Variants in CCR8 observed in about 807,000 individuals in gnomAD.
CCR8 encodes the protein C-C chemokine receptor type 8.
For synonymous variants in CCR8, 156 were observed against 165.7 expected (o/e 0.94, Z 0.45); for missense variants, 358 against 417.5 (o/e 0.86, Z 1.24).
At position 39,333,178 on chromosome 3, in the gene CCR8, C is replaced by T; in HGVS notation, c.847C>T (p.His283Tyr). 1 of 1,614,082 alleles carries T rather than the reference C, an allele frequency of 6.2e-7. No individual in the cohort carries two copies. ...SISQQLTYAT[H>Y]VTEIISFTHC... ...AAGCCAACAGCTGACTTATGCCACC[C>T]ATGTCACAGAAATCATTTCCTTTAC... The change falls in exon 2 of 2, where the codon CAT becomes TAT. Residue 283 changes from histidine (H) to tyrosine (Y), a missense_variant. Transcript: ENST00000326306.
chr3:39,331,474 T>G (rs2041255183), intron 1 of CCR8, among the ~76,000 whole-genome samples: 2 of 152,086 alleles, frequency 1.3e-5, no homozygotes, highest in South Asian at 4.1e-4. Context: ...TGTTTCTGTT[T>G]TCTTTTTTTT....
Position 39,332,994 on chromosome 3 carries a change from C to A in CCR8, c.663C>A (p.Ile221=). ...FTIFMFCYIK[I]LHQLKRCQNH... ...TCTTTATGTTCTGCTACATTAAAAT[C>A]CTGCACCAGCTGAAGAGGTGTCAAA... Residue 221 remains isoleucine, a synonymous_variant, in exon 2 of 2, where the codon ATC becomes ATA. Transcript: ENST00000326306. 1 of 1,614,138 alleles carries A rather than the reference C, an allele frequency of 6.2e-7. No homozygotes were observed. Among genetic ancestry groups the A allele is most frequent in the South Asian group, 1.1e-5 (1 of 91,082 alleles).
In CCR8 at chr3:39,333,252, C is replaced by A. The variant is rs1239627769; in HGVS notation, c.921C>A (p.Phe307Leu). 6.2e-7 allele frequency: 1 copy of A among 1,613,888 alleles called. No individual in the cohort carries two copies. Among genetic ancestry groups the A allele is most frequent in the Non-Finnish European group, 8.5e-7 (1 of 1,179,996 alleles). Residue 307 changes from phenylalanine to leucine, a missense_variant, in exon 2 of 2, where the codon TTC becomes TTA. By Grantham distance (22) the Phe-to-Leu change is conservative. Transcript: ENST00000326306. The part of the protein sequence containing the change: ...PVIYAFVGEK[F>L]KKHLSEIFQK... The stretch of plus-strand genomic sequence containing the variant: ...TCTATGCTTTTGTTGGGGAGAAGTT[C>A]AAGAAACACCTCTCAGAAATATTTC...
rs146661016 is a variant in CCR8, at chr3:39,333,322, C to T, written c.991C>T (p.Pro331Ser). 7 of 1,613,886 alleles carry T rather than the reference C, an allele frequency of 4.3e-6. No homozygotes were observed. Among genetic ancestry groups the T allele is most frequent in the Non-Finnish European group, 5.9e-6 (7 of 1,179,970 alleles). The change falls in exon 2 of 2, where the codon CCT (proline) becomes TCT (serine). Residue 331 changes from proline to serine, a missense_variant. Coordinates refer to ENST00000326306, the MANE Select transcript of CCR8 (RefSeq NM_005201.4). ...CTTCAACTACCTAGGAAGACAAATG[C>T]CTAGGGAGAGCTGTGAAAAGTCATC... ...QIFNYLGRQM[P>S]RESCEKSSSC... is the part of the protein sequence containing the mutation.
In CCR8 at chr3:39,333,146, G is replaced by A. The variant is rs746898489; in HGVS notation, c.815G>A (p.Cys272Tyr). Reference protein sequence around the residue: ...SLHSMHILDGCSISQQLTYAT... With the variant: ...SLHSMHILDGYSISQQLTYAT... ...CACAGTATGCACATCTTGGATGGAT[G>A]TAGCATAAGCCAACAGCTGACTTAT... Residue 272 changes from cysteine to tyrosine, a missense_variant, in exon 2 of 2, where the codon TGT becomes TAT. Cys to Tyr is a radical substitution (Grantham distance 194). Transcript: ENST00000326306. The A allele has an allele frequency of 6.2e-7, 1 of 1,614,098 alleles. No homozygotes were observed. Among genetic ancestry groups the A allele is most frequent in the Non-Finnish European group, 8.5e-7 (1 of 1,179,986 alleles).
chr3:39,332,205 C>CGTGTTGAAGTG, intron 1 of CCR8, 113 bp from the exon 2 acceptor site: 1 of 662,812 alleles, frequency 1.5e-6, no homozygotes, highest in Non-Finnish European at 2.6e-6. Flanking sequence ...AGGTTGAGCA[C>CGTGTTGAAGTG]TTCAACACAT....
Position 39,333,377 on chromosome 3 carries a change from C to A in CCR8, c.1046C>A (p.Ser349Tyr). 1.9e-6 allele frequency: 3 copies of A among 1,612,632 alleles called. No homozygotes were observed. The highest frequency in any genetic ancestry group is 1.7e-6 in the Non-Finnish European group (2 of 1,179,296). ...SSCQQHSSRS[S>Y]SVDYIL The stretch of plus-strand genomic sequence containing the variant: ...TGCCAGCAGCACTCCTCCCGTTCCT[C>A]CAGCGTAGACTACATTTTGTGAGGA... Residue 349 changes from serine (S) to tyrosine (Y), a missense_variant, in exon 2 of 2, where the codon TCC (serine) becomes TAC (tyrosine). Physicochemically the swap from Ser to Tyr is moderately radical, Grantham distance 144. Coordinates refer to ENST00000326306, the MANE Select transcript of CCR8 (RefSeq NM_005201.4).
rs765631088 is a variant in CCR8 at position 39,332,322 on chromosome 3, C to T, written c.-10C>T. 101 of 1,573,252 alleles carry T rather than the reference C, an allele frequency of 6.4e-5. No individual in the cohort carries two copies. In the Middle Eastern group the frequency reaches 1.2e-3, roughly 18 times the overall value. Reference sequence around the variant, plus strand: ...TTTATGTGTCTCTGTGACCAGGTCCCGCTGCCTTGATGGATTATACACTTG... The same window carrying T: ...TTTATGTGTCTCTGTGACCAGGTCCTGCTGCCTTGATGGATTATACACTTG... On this transcript the variant is annotated 5_prime_UTR_variant, in exon 2 of 2. Coordinates refer to ENST00000326306, the MANE Select transcript of CCR8 (RefSeq NM_005201.4).
Position 39,333,036 on chromosome 3 carries a change from G to A in CCR8, c.705G>A (p.Lys235=), listed in dbSNP as rs771864428. 1 of 1,614,048 alleles carries A rather than the reference G, an allele frequency of 6.2e-7. No homozygotes were observed. Among genetic ancestry groups the A allele is most frequent in the East Asian group, 2.2e-5 (1 of 44,854 alleles). ...GGTGTCAAAACCACAACAAGACCAA[G>A]GCCATCAGGTTGGTGCTCATTGTGG... ...LKRCQNHNKT[K]AIRLVLIVVI... Residue 235 remains lysine (K), a synonymous_variant, in exon 2 of 2, where the codon AAG becomes AAA. Coordinates refer to ENST00000326306, the MANE Select transcript of CCR8 (RefSeq NM_005201.4).
At position 39,331,865 on chromosome 3, in the gene CCR8, G is replaced by T. The variant is rs147432023; in HGVS notation, c.-14-453G>T. ...GACAGAATCTCACTCTGTCGCCCAG[G>T]ATGGAGTGCAGTGGTGTGATCTCGG... On this transcript the variant is annotated intron_variant, in intron 1 of 1. Coordinates refer to ENST00000326306, the MANE Select transcript of CCR8 (RefSeq NM_005201.4). Among the ~76,000 whole-genome samples, 947 of 144,618 alleles carry T rather than the reference G, an allele frequency of 6.5e-3. 12 individuals carry two copies. Among genetic ancestry groups the T allele is most frequent in the African/African-American group, 0.023 (908 of 38,758 alleles). 94.9% of individuals were successfully genotyped at this position (144,618 alleles called of 152,430 possible). A position where few individuals can be genotyped will look rare whatever the true frequency, so the allele number is the denominator to read the frequency against.
At chr3:39,331,445 G>A (rs2041254685) in intron 1 of CCR8, among the ~76,000 whole-genome samples, 1 of 151,984 alleles carries the variant, frequency 6.6e-6, no homozygotes, top group Non-Finnish European at 1.5e-5. Flanking sequence ...TCAGATTAGG[G>A]CCCTGCCTTT....
chr3:39,330,698 C>A (rs2041248914), intron 1 of CCR8, among the ~76,000 whole-genome samples: 1 of 151,524 alleles, frequency 6.6e-6, no homozygotes, highest in Admixed American at 6.6e-5. Context: ...CTTAGGAAAG[C>A]AATTAAAAGA....
At position 39,332,794 on chromosome 3, in the gene CCR8, C is replaced by G. The variant is rs1559379421; in HGVS notation, c.463C>G (p.Leu155Val). 6.2e-7 allele frequency: 1 copy of G among 1,614,174 alleles called. No individual in the cohort carries two copies. Residue 155 changes from leucine (L) to valine (V), a missense_variant, in exon 2 of 2, where the codon CTG becomes GTG. Physicochemically the swap from Leu to Val is conservative, Grantham distance 32. Transcript: ENST00000326306. ...RTIRMGTTLC[L>V]AVWLTAIMAT... The stretch of plus-strand genomic sequence containing the variant: ...GATCAGGATGGGCACAACGCTGTGC[C>G]TGGCAGTATGGCTAACCGCCATTAT...
At chr3:39,332,183 C>T in intron 1 of CCR8, 135 bp from the exon 2 acceptor site, 2 of 617,692 alleles carry the variant, frequency 3.2e-6, no homozygotes, top group Non-Finnish European at 5.7e-6. Context: ...CAAATAGTCA[C>T]ACCCACACCG....
At chr3:39,331,561 G>A (rs1047695351) in intron 1 of CCR8, among the ~76,000 whole-genome samples, 1 of 151,986 alleles carries the variant, frequency 6.6e-6, no homozygotes, top group Non-Finnish European at 1.5e-5. Flanking sequence ...CTGCTTCCTG[G>A]GTTCAAGAAA....
At position 39,332,405 on chromosome 3, in the gene CCR8, G is replaced by A. The variant is rs1454792312; in HGVS notation, c.74G>A (p.Cys25Tyr). 6.2e-7 allele frequency: 1 copy of A among 1,614,126 alleles called. No homozygotes were observed. The part of the protein sequence containing the change: ...YYYPDIFSSP[C>Y]DAELIQTNGK... ...TACCCTGATATCTTCTCAAGCCCCT[G>A]TGATGCGGAACTTATTCAGACAAAT... Residue 25 changes from cysteine to tyrosine, a missense_variant, in exon 2 of 2, where the codon TGT becomes TAT. Transcript: ENST00000326306.
chr3:39,332,584 G>A lies in CCR8; in HGVS notation c.253G>A (p.Val85Ile). 6.2e-7 allele frequency: 1 copy of A among 1,614,116 alleles called. No homozygotes were observed. The highest frequency in any genetic ancestry group is 1.1e-5 in the South Asian group (1 of 91,080). The change falls in exon 2 of 2, where the codon GTC (valine) becomes ATC (isoleucine). Residue 85 changes from valine (V) to isoleucine (I), a missense_variant. Physicochemically the swap from Val to Ile is conservative, Grantham distance 29. Transcript: ENST00000326306. Reference protein sequence around the residue: ...LNLALSDLLFVFSFPFQTYYL... With the variant: ...LNLALSDLLFIFSFPFQTYYL... ...CCTGGCCCTGTCTGACCTGCTTTTT[G>A]TCTTCTCCTTCCCCTTTCAGACCTA...
rs1047443103 is a variant in CCR8, at chr3:39,332,184, A to T, written c.-14-134A>T. The T allele has an allele frequency of 4.9e-6, 3 of 618,090 alleles. No homozygotes were observed. In the African/African-American group the frequency reaches 5.5e-5, roughly 11 times the overall value. 38.3% of individuals were successfully genotyped at this position (618,090 alleles called of 1,614,324 possible). On this transcript the variant is annotated intron_variant, in intron 1 of 1. Coordinates refer to ENST00000326306, the MANE Select transcript of CCR8 (RefSeq NM_005201.4). ...AGTCTCACCCACTCCAAATAGTCAC[A>T]CCCACACCGGAGGTTGAGCACTTCA...
chr3:39,330,842 G>A (rs1300162610), intron 1 of CCR8, among the ~76,000 whole-genome samples: 2 of 152,064 alleles, frequency 1.3e-5, no homozygotes, highest in East Asian at 3.8e-4. Context: ...AATATATATT[G>A]TTTATGGATA....
Sources: allele counts gnomAD v4.1 joint callset (sites outside exome capture counted in the v4.1 genomes callset), GRCh38; gene constraint gnomAD v4.1.1; transcripts MANE v1.5; gene names NCBI Gene and HGNC (gene_info 2026-07-23, HGNC 2026-07-21).